Variants in PTH2R observed in about 807,000 individuals in gnomAD.
The protein encoded by PTH2R is PTH2 receptor.
In PTH2R, 59 loss-of-function variants were observed where a neutral mutation model predicts 60.3. That is an observed-to-expected ratio of 0.98 (90% CI 0.79 to 1.22). The LOEUF is 1.22. Among genes scored for constraint, PTH2R ranks in the 50% most tolerant of loss-of-function variants. The probability of loss-of-function intolerance (pLI) is 0.00; values close to 1 mark genes in which losing one functional copy is unlikely to be tolerated. For missense variants in PTH2R, 749 were observed against 682.6 expected, an observed-to-expected ratio of 1.10 and a Z score of -1.08; for synonymous variants, 256 against 243.8, an observed-to-expected ratio of 1.05 and a Z score of -0.47.
intron 2 of PTH2R, among the ~76,000 whole-genome samples, chr2:208,432,026 G>T (rs1010714553): frequency 2.6e-5 from 4 of 152,164 alleles, no homozygotes; most frequent in Non-Finnish European, 4.4e-5. Context: ...GGAATCACTC[G>T]TGCAACTTCT....
At chr2:208,463,265 C>G (rs1364921540) in intron 9 of PTH2R, among the ~76,000 whole-genome samples, 1 of 152,120 alleles carries the variant, frequency 6.6e-6, no homozygotes, top group East Asian at 1.9e-4. Flanking sequence ...CTACACTGTT[C>G]CCACCTCAGG....
chr2:208,398,858 C>CT (rs780225354), intron 1 of PTH2R, among the ~76,000 whole-genome samples: 96 of 152,278 alleles, frequency 6.3e-4, no homozygotes, highest in Non-Finnish European at 1.1e-3. Flanking sequence ...CCAAACTTGA[C>CT]TCAGAATTCA....
At chr2:208,374,449 G>C (rs1211649128) in intron 1 of PTH2R, among the ~76,000 whole-genome samples, 1 of 152,068 alleles carries the variant, frequency 6.6e-6, no homozygotes, top group Admixed American at 6.6e-5. Context: ...TTTAGCACTT[G>C]TTTGAAATCT....
intron 1 of PTH2R, among the ~76,000 whole-genome samples, chr2:208,369,370 C>T (rs2363580): frequency 0.96 from 143,032 of 148,302 alleles, 69,188 homozygotes; most frequent in Non-Finnish European, 1. Context: ...GTCTCTCTCT[C>T]TTTTTTTTTT....
At chr2:208,407,757 T>G (rs1701447410) in intron 1 of PTH2R, among the ~76,000 whole-genome samples, 1 of 152,258 alleles carries the variant, frequency 6.6e-6, no homozygotes, top group South Asian at 2.1e-4. Context: ...GCACTTTTTT[T>G]TTTGAGTCAA....
intron 9 of PTH2R, among the ~76,000 whole-genome samples, chr2:208,475,980 T>A (rs1402750394): frequency 6.6e-6 from 1 of 152,178 alleles, no homozygotes; most frequent in Non-Finnish European, 1.5e-5. Context: ...ATAGAGTGCA[T>A]TAAATACTGA....
intron 1 of PTH2R, among the ~76,000 whole-genome samples, chr2:208,391,598 T>G (rs1701109329): frequency 6.6e-6 from 1 of 152,192 alleles, no homozygotes; most frequent in African/African-American, 2.4e-5. Flanking sequence ...GAGTTTTAGC[T>G]CCCTGAGTTT....
At chr2:208,478,768 T>G (rs1703078406) in intron 9 of PTH2R, among the ~76,000 whole-genome samples, 1 of 152,178 alleles carries the variant, frequency 6.6e-6, no homozygotes. Flanking sequence ...GTGTACAGTG[T>G]GGATCCAGGC....
At position 208,426,465 on chromosome 2, in the gene PTH2R, A is replaced by G. The variant is rs538504544; in HGVS notation, c.76-1736A>G. On this transcript the variant is annotated intron_variant, in intron 1 of 12. Coordinates refer to ENST00000272847, the MANE Select transcript of PTH2R (RefSeq NM_005048.4). The stretch of plus-strand genomic sequence containing the variant: ...AACAAAGGAATAAAAAGAAAGCAAT[A>G]TAAAAAACAAGTACTTATTTGCTTT... 2.6e-5 allele frequency among the ~76,000 whole-genome samples: 4 copies of G among 152,366 alleles called. No homozygotes were observed. The East Asian group carries it at 7.7e-4, about 29-fold the overall frequency.
At chr2:208,423,512 G>T (rs936154389) in intron 1 of PTH2R, among the ~76,000 whole-genome samples, 3 of 152,096 alleles carry the variant, frequency 2.0e-5, no homozygotes, top group Non-Finnish European at 4.4e-5. Context: ...TATGATTCAG[G>T]ATATGGTCTA....
At chr2:208,454,347 G>T (rs1390497137) in intron 8 of PTH2R, among the ~76,000 whole-genome samples, 1 of 152,132 alleles carries the variant, frequency 6.6e-6, no homozygotes, top group African/African-American at 2.4e-5. Context: ...TGGAGATAGG[G>T]TCTATAAGGA....
chr2:208,442,256 A>G, intron 4 of PTH2R, 108 bp from the exon 5 acceptor site: 1 of 842,558 alleles, frequency 1.2e-6, no homozygotes, highest in Non-Finnish European at 1.9e-6. Flanking sequence ...ACAGCTTAAA[A>G]AAGTTAAAGA....
At position 208,370,458 on chromosome 2, in the gene PTH2R, A is replaced by T. The variant is rs1480675783; in HGVS notation, c.-259+10221A>T. 4.7e-5 allele frequency among the ~76,000 whole-genome samples: 7 copies of T among 149,810 alleles called. 1 individual carries two copies. Among genetic ancestry groups the T allele is most frequent in the Admixed American group, 2.7e-4 (4 of 15,000 alleles). ...ACTCCGTCTCAAAAAAAAAAAAAAA[A>T]AAAAAAAAAAAAAAAAAGAAAGGTC... On this transcript the variant is annotated intron_variant, in intron 1 of 12. Transcript: ENST00000617735.
At chr2:208,407,883 CCGGTTCGGTA>C (rs1488772079) in intron 1 of PTH2R, among the ~76,000 whole-genome samples, 1 of 152,142 alleles carries the variant, frequency 6.6e-6, no homozygotes, top group Non-Finnish European at 1.5e-5. Flanking sequence ...GTATTTCTCT[CCGGTTCGGTA>C]GGGGGTGCAC....
At chr2:208,482,394 A>G (rs776026182) in intron 10 of PTH2R, among the ~76,000 whole-genome samples, 1 of 152,168 alleles carries the variant, frequency 6.6e-6, no homozygotes, top group Admixed American at 6.5e-5. Flanking sequence ...AGCATTTATT[A>G]TTAAGTTTAG....
chr2:208,459,156 G>A (rs923746299), intron 8 of PTH2R, among the ~76,000 whole-genome samples: 1 of 152,106 alleles, frequency 6.6e-6, no homozygotes, highest in Non-Finnish European at 1.5e-5. Context: ...TCTAACTGGT[G>A]TGAGATGATA....
chr2:208,364,187 A>G (rs1033381632), intron 1 of PTH2R, among the ~76,000 whole-genome samples: 3 of 152,136 alleles, frequency 2.0e-5, no homozygotes, highest in African/African-American at 4.8e-5. Context: ...CCTTTTCACT[A>G]TTGTGTCCTT....
intron 1 of PTH2R, among the ~76,000 whole-genome samples, chr2:208,391,443 A>G (rs1202421358): frequency 6.6e-6 from 1 of 152,124 alleles, no homozygotes; most frequent in African/African-American, 2.4e-5. Context: ...GGCCTGTGTT[A>G]AAACTTCCAG....
chr2:208,457,871 T>G (rs1245797641), intron 8 of PTH2R, among the ~76,000 whole-genome samples: 1 of 152,200 alleles, frequency 6.6e-6, no homozygotes, highest in Non-Finnish European at 1.5e-5. Context: ...CAAAATGGTA[T>G]TTTATTATCT....
Sources: allele counts gnomAD v4.1 joint callset (sites outside exome capture counted in the v4.1 genomes callset), GRCh38; gene constraint gnomAD v4.1.1; transcripts MANE v1.5; gene names NCBI Gene and HGNC (gene_info 2026-07-23, HGNC 2026-07-21).